The following MGAT4C variants were observed in gnomAD, a reference collection of about 807,000 sequenced individuals.
MGAT4C encodes the protein MGAT4 family member C.
Under a neutral mutation model 40.1 loss-of-function variants are expected in MGAT4C, and 19 were observed. The observed-to-expected ratio is 0.47, with a 90% CI of 0.33 to 0.70. MGAT4C has a LOEUF of 0.70. MGAT4C is among the 30% of genes least tolerant of loss of function. The pLI, the probability that MGAT4C is intolerant of heterozygous loss-of-function variation, is 0.02. For missense variants in MGAT4C, 491 were observed against 563.2 expected (o/e 0.87, Z 1.30); for synonymous variants, 181 against 187.1 (o/e 0.97, Z 0.27).
At chr12:86,302,993 A>G (rs4265650) in intron 4 of MGAT4C, among the ~76,000 whole-genome samples, 100,241 of 150,128 alleles carry the variant, frequency 0.67, 35,068 homozygotes, top group South Asian at 0.78. Flanking sequence ...TTTTGTGAAG[A>G]CATGAGGTTC....
chr12:86,289,482 T>A (rs1036144149), intron 4 of MGAT4C, among the ~76,000 whole-genome samples: 4 of 152,232 alleles, frequency 2.6e-5, no homozygotes, highest in Non-Finnish European at 5.9e-5. Context: ...AATGAATCTG[T>A]AAATTGCTTT....
chr12:86,373,194 A>T (rs1955755280), intron 3 of MGAT4C, among the ~76,000 whole-genome samples: 1 of 151,946 alleles, frequency 6.6e-6, no homozygotes, highest in Non-Finnish European at 1.5e-5. Context: ...GGTAACTGAT[A>T]GGGTTAAGAT....
intron 3 of MGAT4C, among the ~76,000 whole-genome samples, chr12:86,344,772 G>A (rs1954990718): frequency 6.6e-6 from 1 of 150,996 alleles, no homozygotes. Context: ...GTGTGTGTGT[G>A]TGTAGCGGCA....
intron 2 of MGAT4C, among the ~76,000 whole-genome samples, chr12:86,716,413 C>T (rs1176602047): frequency 1.3e-5 from 2 of 151,972 alleles, no homozygotes; most frequent in Admixed American, 1.3e-4. Flanking sequence ...GTTCATTAAT[C>T]TTTGAAAGCA....
intron 1 of MGAT4C, among the ~76,000 whole-genome samples, chr12:86,771,684 ATATGTGTGTGTGTG>A (rs1006757344): frequency 3.8e-5 from 5 of 131,136 alleles, no homozygotes; most frequent in Non-Finnish European, 7.9e-5. Flanking sequence ...ACATAAATAT[ATATGTGTGTGTGTG>A]TGTGTGTGTG....
intron 2 of MGAT4C, among the ~76,000 whole-genome samples, chr12:86,569,946 A>G (rs566332904): frequency 6.6e-5 from 10 of 152,254 alleles, no homozygotes; most frequent in African/African-American, 2.4e-4. Context: ...AAATAAACAA[A>G]GCATAAAAAG....
intron 2 of MGAT4C, among the ~76,000 whole-genome samples, chr12:86,689,153 T>C (rs891415825): frequency 2.0e-5 from 3 of 152,248 alleles, no homozygotes; most frequent in Non-Finnish European, 2.9e-5. Context: ...TACCTGTGTA[T>C]ACTTCACGAA....
intron 2 of MGAT4C, among the ~76,000 whole-genome samples, chr12:86,456,336 C>A (rs750423180): frequency 1.8e-4 from 28 of 152,044 alleles, no homozygotes; most frequent in Non-Finnish European, 3.7e-4. Context: ...TTAGTTATCG[C>A]ATAATCTTTA....
intron 1 of MGAT4C, among the ~76,000 whole-genome samples, chr12:86,773,544 T>G (rs1203090314): frequency 6.6e-6 from 1 of 152,148 alleles, no homozygotes; most frequent in African/African-American, 2.4e-5. Flanking sequence ...CTTCTTAATA[T>G]TTTCCTACTG....
chr12:86,563,415 A>T (rs557786109), intron 2 of MGAT4C, among the ~76,000 whole-genome samples: 1 of 152,338 alleles, frequency 6.6e-6, no homozygotes, highest in African/African-American at 2.4e-5. Flanking sequence ...AGCCTACTGC[A>T]TTCTTACAGA....
intron 3 of MGAT4C, among the ~76,000 whole-genome samples, chr12:86,336,965 A>G (rs908708972): frequency 1.3e-5 from 2 of 152,212 alleles, no homozygotes; most frequent in African/African-American, 2.4e-5. Flanking sequence ...TCTACCTCTC[A>G]TAAGTTGTAT....
At chr12:86,121,398 C>G (rs574665525) in intron 1 of MGAT4C, among the ~76,000 whole-genome samples, 7 of 152,192 alleles carry the variant, frequency 4.6e-5, no homozygotes, top group African/African-American at 1.7e-4. Context: ...ACAGAGAACA[C>G]CACAAAGATA....
At chr12:86,753,927 C>G (rs970337509) in intron 1 of MGAT4C, among the ~76,000 whole-genome samples, 6 of 151,994 alleles carry the variant, frequency 3.9e-5, no homozygotes, top group African/African-American at 1.4e-4. Flanking sequence ...AAAAATCACA[C>G]AACTTTGGAG....
At chr12:86,321,941 C>T (rs1280343621) in intron 4 of MGAT4C, among the ~76,000 whole-genome samples, 1 of 151,956 alleles carries the variant, frequency 6.6e-6, no homozygotes, top group African/African-American at 2.4e-5. Context: ...TATTGTGGCA[C>T]TATTCACAAT....
intron 2 of MGAT4C, among the ~76,000 whole-genome samples, chr12:86,048,567 C>T (rs1426630425): frequency 6.6e-6 from 1 of 151,248 alleles, no homozygotes; most frequent in African/African-American, 2.4e-5. Flanking sequence ...GATATAGATT[C>T]AAAGTAATAA....
intron 1 of MGAT4C, among the ~76,000 whole-genome samples, chr12:86,220,312 C>A (rs567467944): frequency 3.3e-5 from 5 of 152,028 alleles, no homozygotes; most frequent in African/African-American, 1.2e-4. Context: ...TGTGTTTTCA[C>A]GTATACATGG....
At chr12:86,409,735 G>A (rs1328520682) in intron 3 of MGAT4C, among the ~76,000 whole-genome samples, 34 of 152,154 alleles carry the variant, frequency 2.2e-4, no homozygotes, top group Admixed American at 2.2e-3. Flanking sequence ...CTGGTGACAG[G>A]TGATTGGATC....
intron 4 of MGAT4C, among the ~76,000 whole-genome samples, chr12:86,262,986 A>G (rs962182741): frequency 6.6e-6 from 1 of 151,856 alleles, no homozygotes; most frequent in Non-Finnish European, 1.5e-5. Flanking sequence ...GTTTTATTTT[A>G]TATATTTTCT....
At chr12:86,571,380 T>C (rs959970192) in intron 2 of MGAT4C, among the ~76,000 whole-genome samples, 1 of 151,976 alleles carries the variant, frequency 6.6e-6, no homozygotes, top group Non-Finnish European at 1.5e-5. Flanking sequence ...GTATACTATA[T>C]ATAGGAAGAA....
Sources: allele counts gnomAD v4.1 joint callset (sites outside exome capture counted in the v4.1 genomes callset), GRCh38; gene constraint gnomAD v4.1.1; transcripts MANE v1.5; gene names NCBI Gene and HGNC (gene_info 2026-07-23, HGNC 2026-07-21).